Variants in FAM13C observed in about 807,000 individuals in gnomAD.
FAM13C encodes the protein family with sequence similarity 13 member C.
FAM13C carries 37 observed loss-of-function variants against 73.2 expected under a neutral mutation model. The ratio of observed to expected loss-of-function variants is 0.51; its 90% CI spans 0.39 to 0.67. The LOEUF is 0.67. Among genes scored for constraint, FAM13C ranks in the 30% least tolerant of loss-of-function variants. The pLI is 0.00. For missense variants in FAM13C, 589 were observed against 715.6 expected (o/e 0.82, Z 2.02); for synonymous variants, 246 against 260.9 (o/e 0.94, Z 0.55).
Position 59,262,522 on chromosome 10 carries a change from G to C in FAM13C, c.1148C>G (p.Pro383Arg), listed in dbSNP as rs1347643615. The C allele has an allele frequency of 6.2e-7, 1 of 1,613,754 alleles. No homozygotes were observed. Among genetic ancestry groups the C allele is most frequent in the Non-Finnish European group, 8.5e-7 (1 of 1,179,772 alleles). Residue 383 changes from proline (P) to arginine (R), a missense_variant, in exon 10 of 14, where the codon CCA becomes CGA. Pro to Arg is a moderately radical substitution (Grantham distance 103). Transcript: ENST00000618804. The stretch of plus-strand genomic sequence containing the variant: ...TGGAGTCTCTTCTCCAGAGGAGCTT[G>C]GCTCCGGGCCCGCAGCTTCCGGTTT... Reference protein sequence around the residue: ...NGKPEAAGPEPSSSGEETPDA... With the variant: ...NGKPEAAGPERSSSGEETPDA...
chr10:59,295,626 G>A (rs1274711049), intron 5 of FAM13C, among the ~76,000 whole-genome samples: 4 of 152,158 alleles, frequency 2.6e-5, no homozygotes, highest in Non-Finnish European at 4.4e-5. Context: ...AAACCCAGTT[G>A]AGTCCACCCA....
At chr10:59,336,835 GA>G (rs1334172405) in intron 3 of FAM13C, among the ~76,000 whole-genome samples, 1 of 152,162 alleles carries the variant, frequency 6.6e-6, no homozygotes, top group Admixed American at 6.5e-5. Flanking sequence ...ACCAGAATAA[GA>G]AAACTCATTA....
In FAM13C at chr10:59,264,224, G is replaced by A. The variant is rs371436185; in HGVS notation, c.943-58C>T. The A allele has an allele frequency of 2.6e-5, 28 of 1,079,608 alleles. No homozygotes were observed. In the South Asian group the frequency reaches 3.5e-4, roughly 13 times the overall value. 66.9% of individuals were successfully genotyped at this position (1,079,608 alleles called of 1,614,324 possible). On this transcript the variant is annotated intron_variant, in intron 8 of 13. Transcript: ENST00000618804. ...GGAGGGAAGGAGGGAGAGGGTGGGG[G>A]AGAAAAAGAGAAAAGGAAAAACAAA...
intron 6 of FAM13C, among the ~76,000 whole-genome samples, chr10:59,273,371 T>C (rs536024394): frequency 6.6e-6 from 1 of 152,260 alleles, no homozygotes; most frequent in East Asian, 1.9e-4. Flanking sequence ...TTGAATATTG[T>C]CTTCTCTTAC....
intron 3 of FAM13C, among the ~76,000 whole-genome samples, chr10:59,329,977 G>T (rs1851751261): frequency 6.6e-6 from 1 of 152,140 alleles, no homozygotes; most frequent in Non-Finnish European, 1.5e-5. Context: ...TGAAGACCTT[G>T]CAGAGTCTGA....
intron 5 of FAM13C, chr10:59,296,945 T>C (rs1020906526): frequency 3.9e-5 from 6 of 152,264 alleles, no homozygotes; most frequent in Non-Finnish European, 7.3e-5. Context: ...AAAATATTTC[T>C]ACCTTATTCT....
chr10:59,352,446 C>A lies in FAM13C; in HGVS notation c.148G>T (p.Asp50Tyr). The A allele has an allele frequency of 6.2e-7, 1 of 1,612,078 alleles. No homozygotes were observed. Reference protein sequence around the residue: ...RDENNKENYPDAGALVEEHAP... With the variant: ...RDENNKENYPYAGALVEEHAP... ...TGCTCTTCTACCAGAGCCCCTGCGT[C>A]GGGGTAGTTCTCTTTATTGTTTTCA... The change falls in exon 3 of 14, where the codon GAC becomes TAC. Residue 50 changes from aspartate (D) to tyrosine (Y), a missense_variant. Asp to Tyr is a radical substitution (Grantham distance 160). Coordinates refer to ENST00000618804, the MANE Select transcript of FAM13C (RefSeq NM_198215.4).
chr10:59,311,376 G>A (rs1418194707), intron 4 of FAM13C, among the ~76,000 whole-genome samples: 1 of 152,168 alleles, frequency 6.6e-6, no homozygotes, highest in Non-Finnish European at 1.5e-5. Flanking sequence ...TGAGAGCAGA[G>A]GCCCCAATAA....
chr10:59,266,343 T>G (rs1311293637), intron 8 of FAM13C, among the ~76,000 whole-genome samples: 3 of 151,938 alleles, frequency 2.0e-5, no homozygotes, highest in African/African-American at 4.8e-5. Flanking sequence ...TAAACAGAGA[T>G]GGAAAGATAT....
chr10:59,333,538 C>T (rs1428918266), intron 3 of FAM13C, among the ~76,000 whole-genome samples: 11 of 152,104 alleles, frequency 7.2e-5, no homozygotes, highest in East Asian at 1.9e-4. Flanking sequence ...TACTTAAAAG[C>T]CAGCACTACC....
intron 3 of FAM13C, among the ~76,000 whole-genome samples, chr10:59,342,002 C>G (rs987562644): frequency 6.6e-6 from 1 of 152,174 alleles, no homozygotes; most frequent in African/African-American, 2.4e-5. Flanking sequence ...GATTAATACT[C>G]AAAACATGGC....
chr10:59,280,165 C>A (rs1202803392), intron 6 of FAM13C, among the ~76,000 whole-genome samples: 7 of 152,188 alleles, frequency 4.6e-5, no homozygotes, highest in Admixed American at 6.5e-5. Flanking sequence ...AGTAGGGTGA[C>A]CAACTGTCCT....
At chr10:59,360,000 G>A (rs2132229547) in intron 1 of FAM13C, among the ~76,000 whole-genome samples, 1 of 152,340 alleles carries the variant, frequency 6.6e-6, no homozygotes, top group East Asian at 1.9e-4. Context: ...CAAGGCCATT[G>A]TGATGAAAAC....
intron 9 of FAM13C, among the ~76,000 whole-genome samples, 196 bp from the exon 10 acceptor site, chr10:59,262,841 C>T (rs747631114): frequency 6.6e-6 from 1 of 152,104 alleles, no homozygotes; most frequent in Non-Finnish European, 1.5e-5. Context: ...AAACAGGGCT[C>T]TAGAGGCTAG....
chr10:59,269,974 A>T lies in FAM13C; in HGVS notation c.728T>A (p.Ile243Asn). 6.2e-7 allele frequency: 1 copy of T among 1,614,006 alleles called. No individual in the cohort carries two copies. The highest frequency in any genetic ancestry group is 8.5e-7 in the Non-Finnish European group (1 of 1,179,928). Residue 243 changes from isoleucine (I) to asparagine (N), a missense_variant, in exon 7 of 14, where the codon ATC becomes AAC. Transcript: ENST00000618804. ...GTTGAATCTCTGGCTTTGGCTGAAG[A>T]TGGAGCATCGTGGCGACAGCAGTGG... ...DNPLLSPRCS[I>N]FSQSQRFNLD...
chr10:59,308,334 C>A (rs917472326), intron 4 of FAM13C, among the ~76,000 whole-genome samples: 4 of 152,022 alleles, frequency 2.6e-5, no homozygotes, highest in Non-Finnish European at 5.9e-5. Context: ...ACTATCACCA[C>A]CATTCACCAA....
intron 3 of FAM13C, among the ~76,000 whole-genome samples, chr10:59,346,182 A>G (rs1854266208): frequency 7.5e-6 from 1 of 132,766 alleles, no homozygotes; most frequent in Admixed American, 8.2e-5. Context: ...TGAAAACATA[A>G]TCTTAGTTCT....
At chr10:59,335,353 C>T (rs1852583379) in intron 3 of FAM13C, among the ~76,000 whole-genome samples, 1 of 152,098 alleles carries the variant, frequency 6.6e-6, no homozygotes. Flanking sequence ...CTACGAGACC[C>T]AAATATTAAT....
In FAM13C at chr10:59,247,362, A is replaced by G. The variant is rs1239802548; in HGVS notation, c.*252T>C. The G allele has an allele frequency of 6.5e-6, 3 of 458,164 alleles. No individual in the cohort carries two copies. Among genetic ancestry groups the G allele is most frequent in the South Asian group, 2.7e-5 (1 of 36,726 alleles). 28.4% of individuals were successfully genotyped at this position (458,164 alleles called of 1,614,324 possible). A position where few individuals can be genotyped will look rare whatever the true frequency, so the allele number is the denominator to read the frequency against. On this transcript the variant is annotated 3_prime_UTR_variant, in exon 14 of 14. Transcript: ENST00000618804. ...ATTTTTAAAAATACTTGTATTGACT[A>G]TGAGTTTTCTGCTTGGCATGGAGGA...
Sources: gnomAD v4.1 joint callset for allele counts (sites outside exome capture counted in the v4.1 genomes callset) on GRCh38, gnomAD v4.1.1 for gene constraint, MANE v1.5 for transcripts, NCBI Gene and HGNC (gene_info 2026-07-23, HGNC 2026-07-21) for gene names.